Variants in GRK5 observed in about 807,000 individuals in gnomAD.
GRK5 encodes G protein-coupled receptor kinase 5, also known as g protein-coupled receptor kinase GRK5.
A neutral mutation model predicts 78.4 loss-of-function variants in GRK5; 40 were observed. The ratio of observed to expected loss-of-function variants is 0.51; its 90% CI spans 0.40 to 0.66. The LOEUF (loss-of-function observed/expected upper bound fraction) is 0.66. Among genes scored for constraint, GRK5 ranks in the 30% least tolerant of loss-of-function variants. The probability of loss-of-function intolerance (pLI) is 0.00; values close to 1 mark genes in which losing one functional copy is unlikely to be tolerated. For missense variants in GRK5, 598 were observed against 759.9 expected (o/e 0.79, Z 2.50); for synonymous variants, 289 against 296.8 (o/e 0.97, Z 0.27).
At chr10:119,304,671 C>A (rs528159407) in intron 1 of GRK5, among the ~76,000 whole-genome samples, 1 of 152,304 alleles carries the variant, frequency 6.6e-6, no homozygotes, top group Admixed American at 6.5e-5. Flanking sequence ...GAGTCTATAA[C>A]CAGCACCCAA....
chr10:119,259,047 C>T (rs1020272221), intron 1 of GRK5, among the ~76,000 whole-genome samples: 1 of 150,056 alleles, frequency 6.7e-6, no homozygotes, highest in African/African-American at 2.4e-5. Context: ...CTTTCCATGA[C>T]ACTCCCTCTT....
At chr10:119,416,386 C>T (rs946942905) in intron 4 of GRK5, among the ~76,000 whole-genome samples, 5 of 152,226 alleles carry the variant, frequency 3.3e-5, no homozygotes, top group South Asian at 2.1e-4. Context: ...CCTCAAGCTA[C>T]GGCAGCATTC....
At chr10:119,314,726 CTG>C (rs1719441415) in intron 1 of GRK5, among the ~76,000 whole-genome samples, 1 of 152,224 alleles carries the variant, frequency 6.6e-6, no homozygotes, top group Non-Finnish European at 1.5e-5. Context: ...ACCTCTCAAT[CTG>C]GGGATAGTTA....
chr10:119,394,067 GTC>G (rs1231529649), intron 3 of GRK5, among the ~76,000 whole-genome samples: 3 of 149,592 alleles, frequency 2.0e-5, no homozygotes, highest in Non-Finnish European at 1.5e-5. Flanking sequence ...GTGTGTGTGT[GTC>G]TGTGGGTGTG....
At chr10:119,370,272 C>G (rs1408267336) in intron 2 of GRK5, among the ~76,000 whole-genome samples, 1 of 152,182 alleles carries the variant, frequency 6.6e-6, no homozygotes, top group African/African-American at 2.4e-5. Flanking sequence ...CAGCCCAGGC[C>G]CAGACACCCT....
At chr10:119,349,886 G>A (rs959120373) in intron 2 of GRK5, among the ~76,000 whole-genome samples, 2 of 152,228 alleles carry the variant, frequency 1.3e-5, no homozygotes, top group East Asian at 1.9e-4. Context: ...CTATTGCTGC[G>A]AGTGTGCCTG....
At chr10:119,428,830 T>C (rs1340936186) in intron 6 of GRK5, among the ~76,000 whole-genome samples, 1 of 152,230 alleles carries the variant, frequency 6.6e-6, no homozygotes, top group Non-Finnish European at 1.5e-5. Flanking sequence ...GCCTGGTTGG[T>C]GCTGTACTGC....
At chr10:119,366,184 C>G (rs180794984) in intron 2 of GRK5, among the ~76,000 whole-genome samples, 1 of 152,222 alleles carries the variant, frequency 6.6e-6, no homozygotes, top group East Asian at 1.9e-4. Flanking sequence ...TTCTGGACCC[C>G]GGGGACTTTA....
chr10:119,229,293 G>A (rs1406198734), intron 1 of GRK5, among the ~76,000 whole-genome samples: 1 of 152,016 alleles, frequency 6.6e-6, no homozygotes, highest in Non-Finnish European at 1.5e-5. Flanking sequence ...AGCGTTGTGT[G>A]TTTGTTTTAA....
chr10:119,260,869 A>C (rs1849371642), intron 1 of GRK5, among the ~76,000 whole-genome samples: 1 of 152,018 alleles, frequency 6.6e-6, no homozygotes, highest in African/African-American at 2.4e-5. Flanking sequence ...CCCGCTTTCT[A>C]TTCCACAAAA....
At chr10:119,359,240 T>C (rs1851319338) in intron 2 of GRK5, among the ~76,000 whole-genome samples, 1 of 152,008 alleles carries the variant, frequency 6.6e-6, no homozygotes, top group Non-Finnish European at 1.5e-5. Context: ...AGGAGATGTG[T>C]GTACACACGA....
intron 2 of GRK5, among the ~76,000 whole-genome samples, chr10:119,375,795 A>G (rs981198977): frequency 1.3e-5 from 2 of 152,126 alleles, no homozygotes; most frequent in African/African-American, 2.4e-5. Flanking sequence ...CAAACAACAC[A>G]TGTCGTTTTC....
At chr10:119,429,331 G>A (rs1852770626) in intron 6 of GRK5, among the ~76,000 whole-genome samples, 1 of 149,626 alleles carries the variant, frequency 6.7e-6, no homozygotes, top group African/African-American at 2.5e-5. Flanking sequence ...AAGGCTCCCT[G>A]GTCATCCTCA....
intron 1 of GRK5, among the ~76,000 whole-genome samples, chr10:119,219,719 C>G (rs1848631859): frequency 6.6e-6 from 1 of 152,180 alleles, no homozygotes; most frequent in Admixed American, 6.5e-5. Flanking sequence ...CCCCTCCCCC[C>G]TAATTTGGAA....
intron 3 of GRK5, among the ~76,000 whole-genome samples, chr10:119,395,581 A>G: frequency 6.6e-6 from 1 of 152,218 alleles, no homozygotes; most frequent in East Asian, 1.9e-4. Flanking sequence ...AACAATTTGC[A>G]ATTAGCTCTT....
intron 2 of GRK5, among the ~76,000 whole-genome samples, chr10:119,341,846 A>C (rs1481669700): frequency 6.6e-6 from 1 of 152,178 alleles, no homozygotes; most frequent in African/African-American, 2.4e-5. Context: ...TTCTTTTAAG[A>C]GTCCTGGAAA....
chr10:119,296,992 G>C (rs1850092625), intron 1 of GRK5, among the ~76,000 whole-genome samples: 1 of 152,230 alleles, frequency 6.6e-6, no homozygotes. Flanking sequence ...AGCTGAAGCT[G>C]GCAGCTCCCC....
chr10:119,261,491 C>T (rs1315857707), intron 1 of GRK5, among the ~76,000 whole-genome samples: 5 of 150,484 alleles, frequency 3.3e-5, no homozygotes, highest in Admixed American at 6.6e-5. Context: ...ACTTCCCAGA[C>T]GGGGTGGCGG....
intron 1 of GRK5, among the ~76,000 whole-genome samples, chr10:119,302,698 G>T (rs1386961909): frequency 6.6e-6 from 1 of 152,140 alleles, no homozygotes; most frequent in Non-Finnish European, 1.5e-5. Flanking sequence ...AATACTTCTT[G>T]GGGCCAGAAA....
Sources: allele counts gnomAD v4.1 joint callset (sites outside exome capture counted in the v4.1 genomes callset), GRCh38; gene constraint gnomAD v4.1.1; transcripts MANE v1.5; gene names NCBI Gene and HGNC (gene_info 2026-07-23, HGNC 2026-07-21).